The following ABCA4 variants were observed in gnomAD, a reference collection of about 807,000 sequenced individuals.
ABCA4 encodes ATP binding cassette subfamily A member 4.
ABCA4 carries 196 observed loss-of-function variants against 263.7 expected under a neutral mutation model. The ratio of observed to expected loss-of-function variants is 0.74; its 90% CI spans 0.66 to 0.84. The LOEUF (loss-of-function observed/expected upper bound fraction) is 0.84, where lower values mean the gene tolerates loss of function less well. ABCA4 is among the 40% of genes least tolerant of loss of function. The pLI is 0.00. For missense variants in ABCA4, 2,792 were observed against 2,855.1 expected (o/e 0.98, Z 0.50); for synonymous variants, 1,133 against 1,094.2 (o/e 1.04, Z -0.70).
chr1:94,067,238 A>G (rs191652424), intron 11 of ABCA4, among the ~76,000 whole-genome samples: 1 of 152,366 alleles, frequency 6.6e-6, no homozygotes, highest in East Asian at 1.9e-4. Context: ...AAAGCTAGTA[A>G]AAATAAATAT....
chr1:94,117,888 AGG>A (rs1444527757), intron 1 of ABCA4, among the ~76,000 whole-genome samples: 2 of 152,188 alleles, frequency 1.3e-5, no homozygotes, highest in Non-Finnish European at 1.5e-5. Context: ...CCAGTTTTCC[AGG>A]TCCAGTGTTG....
intron 32 of ABCA4, 93 bp downstream of exon 32, chr1:94,023,293 C>T (rs970120152): frequency 2.7e-5 from 30 of 1,098,042 alleles, no homozygotes; most frequent in Non-Finnish European, 3.7e-5. Flanking sequence ...ACAGCCCCTC[C>T]TCATGGCTGT....
At chr1:94,100,795 A>G (rs1347486859) in intron 5 of ABCA4, among the ~76,000 whole-genome samples, 1 of 152,240 alleles carries the variant, frequency 6.6e-6, no homozygotes, top group Non-Finnish European at 1.5e-5. Flanking sequence ...AATGAGCATG[A>G]GTGACAACAC....
intron 36 of ABCA4, chr1:94,019,252 G>A (rs1039255285): frequency 2.0e-5 from 5 of 251,788 alleles, no homozygotes; most frequent in Admixed American, 4.9e-5. Context: ...CCTTCTCAGC[G>A]CCAGACTGAT....
At chr1:94,076,068 C>T (rs1282064337) in intron 11 of ABCA4, among the ~76,000 whole-genome samples, 1 of 152,212 alleles carries the variant, frequency 6.6e-6, no homozygotes, top group Non-Finnish European at 1.5e-5. Context: ...ACAGTCATTT[C>T]AGGCATTGGT....
chr1:94,068,676 G>A (rs549895469), intron 11 of ABCA4, among the ~76,000 whole-genome samples: 48 of 152,282 alleles, frequency 3.2e-4, no homozygotes, highest in African/African-American at 1.1e-3. Flanking sequence ...AAAGCTGTCT[G>A]CTTCTACACT....
chr1:93,996,275 C>A, intron 48 of ABCA4, 80 bp from the exon 49 acceptor site: 1 of 1,080,426 alleles, frequency 9.3e-7, no homozygotes, highest in Non-Finnish European at 1.4e-6. Flanking sequence ...ACTTTGCTCT[C>A]TATTTTCCAC....
At chr1:94,009,284 G>A (rs1473230033) in intron 40 of ABCA4, among the ~76,000 whole-genome samples, 7 of 152,158 alleles carry the variant, frequency 4.6e-5, no homozygotes, top group Non-Finnish European at 7.3e-5. Context: ...TCTACAGCAA[G>A]CACTCAGTAA....
chr1:94,057,971 G>A (rs1033690526), intron 14 of ABCA4, among the ~76,000 whole-genome samples: 1 of 152,154 alleles, frequency 6.6e-6, no homozygotes, highest in Admixed American at 6.5e-5. Flanking sequence ...TAGTTCCCTG[G>A]AGCTCTGGCT....
chr1:94,101,717 T>C (rs1269905806), intron 5 of ABCA4, among the ~76,000 whole-genome samples: 1 of 151,908 alleles, frequency 6.6e-6, no homozygotes, highest in African/African-American at 2.4e-5. Context: ...GTCGGGAGGG[T>C]GTCTGGGATA....
intron 9 of ABCA4, 59 bp from the exon 10 acceptor site, chr1:94,078,765 T>A (rs1242538132): frequency 1.0e-5 from 13 of 1,239,082 alleles, no homozygotes; most frequent in Non-Finnish European, 1.5e-5. Flanking sequence ...GAGAGAGAAC[T>A]TTTGGTTGTG....
intron 26 of ABCA4, among the ~76,000 whole-genome samples, chr1:94,033,265 A>G (rs1385868066): frequency 1.3e-5 from 2 of 151,970 alleles, no homozygotes; most frequent in Non-Finnish European, 2.9e-5. Context: ...ACAAACAACT[A>G]GAAAAGAAAT....
At chr1:94,006,573 G>C in intron 43 of ABCA4, among the ~76,000 whole-genome samples, 1 of 152,288 alleles carries the variant, frequency 6.6e-6, no homozygotes, top group Non-Finnish European at 1.5e-5. Context: ...AGTCACCTGC[G>C]TGGTCACTTG....
chr1:94,075,033 C>A lies in ABCA4; in HGVS notation c.1554+2657G>T, dbSNP rs553556728. Among the ~76,000 whole-genome samples the A allele has an allele frequency of 2.6e-5, 4 of 152,214 alleles. No homozygotes were observed. In the South Asian group the frequency reaches 8.3e-4, roughly 32 times the overall value. ...GCAGGGACATGGAAGAAGCTGGAAGCCATCATCCTCAGCAAACTAACACAG... is the reference window on the plus strand; with the variant it reads ...GCAGGGACATGGAAGAAGCTGGAAGACATCATCCTCAGCAAACTAACACAG... On this transcript the variant is annotated intron_variant, in intron 11 of 49. Coordinates refer to ENST00000370225, the MANE Select transcript of ABCA4 (RefSeq NM_000350.3).
chr1:94,038,028 T>TCA (rs895280520), intron 24 of ABCA4, among the ~76,000 whole-genome samples: 4 of 152,086 alleles, frequency 2.6e-5, no homozygotes, highest in African/African-American at 9.7e-5. Context: ...CTTCCCTAAA[T>TCA]CACACACACA....
chr1:94,022,432 C>T (rs1370470843), intron 32 of ABCA4, among the ~76,000 whole-genome samples: 2 of 152,184 alleles, frequency 1.3e-5, no homozygotes, highest in African/African-American at 4.8e-5. Flanking sequence ...CTGTGCTTTG[C>T]AGGTACTTCT....
chr1:94,081,682 T>C (rs1661706378), intron 7 of ABCA4, among the ~76,000 whole-genome samples: 1 of 152,154 alleles, frequency 6.6e-6, no homozygotes, highest in South Asian at 2.1e-4. Flanking sequence ...AAGTATCCAT[T>C]CCTGGAAAAA....
chr1:94,062,535 C>G (rs1020226646), intron 13 of ABCA4, 42 bp downstream of exon 13: 2 of 1,612,308 alleles, frequency 1.2e-6, no homozygotes, highest in East Asian at 4.5e-5. Context: ...CCAGCACCCC[C>G]ATTAGCGTGT....
chr1:94,074,589 G>C (rs868690307), intron 11 of ABCA4, among the ~76,000 whole-genome samples: 11 of 152,218 alleles, frequency 7.2e-5, no homozygotes, highest in Admixed American at 3.3e-4. Context: ...TGCAGAATGA[G>C]AGAAAATTTT....
Sources: allele counts gnomAD v4.1 joint callset (sites outside exome capture counted in the v4.1 genomes callset), GRCh38; gene constraint gnomAD v4.1.1; transcripts MANE v1.5; gene names NCBI Gene and HGNC (gene_info 2026-07-23, HGNC 2026-07-21).